EPB41L2: variants seen among roughly 807,000 people sequenced by gnomAD.
EPB41L2 encodes the protein band 4.1-like protein 2.
Under a neutral mutation model 113.0 loss-of-function variants are expected in EPB41L2, and 43 were observed. The ratio of observed to expected loss-of-function variants is 0.38; its 90% CI spans 0.30 to 0.49. The LOEUF (loss-of-function observed/expected upper bound fraction) is 0.49, where lower values mean the gene tolerates loss of function less well. EPB41L2 is among the 20% of genes least tolerant of loss of function. The pLI is 0.95. For missense variants in EPB41L2, 1,147 were observed against 1,223.4 expected (o/e 0.94, Z 0.93); for synonymous variants, 442 against 436.7 (o/e 1.01, Z -0.15).
chr6:130,841,454 C>T (rs1326528101), intron 19 of EPB41L2, among the ~76,000 whole-genome samples: 1 of 152,128 alleles, frequency 6.6e-6, no homozygotes, highest in Non-Finnish European at 1.5e-5. Flanking sequence ...GTTTTGAAAA[C>T]ACTGCTGTGG....
chr6:130,888,586 AACAG>A (rs1791794341), intron 11 of EPB41L2, among the ~76,000 whole-genome samples: 4 of 152,190 alleles, frequency 2.6e-5, no homozygotes, highest in Non-Finnish European at 1.5e-5. Flanking sequence ...AAATGCTGAA[AACAG>A]ACAGTGTTCC....
chr6:130,910,765 A>G (rs60204850), intron 4 of EPB41L2, among the ~76,000 whole-genome samples: 2,610 of 152,322 alleles, frequency 0.017, 84 homozygotes, highest in African/African-American at 0.058. Context: ...CAACAAACAT[A>G]TGAAAAAAAG....
chr6:130,905,606 A>G (rs557490777), intron 5 of EPB41L2, among the ~76,000 whole-genome samples: 8 of 152,026 alleles, frequency 5.3e-5, no homozygotes, highest in Non-Finnish European at 1.0e-4. Context: ...ACTCTTTCAG[A>G]GACGGGGTCT....
intron 17 of EPB41L2, among the ~76,000 whole-genome samples, chr6:130,864,542 GA>G (rs1409476579): frequency 6.6e-6 from 1 of 152,218 alleles, no homozygotes; most frequent in Non-Finnish European, 1.5e-5. Context: ...GGATGAGGCT[GA>G]GGAGATCATC....
chr6:130,873,704 G>C (rs1786526377), intron 14 of EPB41L2, among the ~76,000 whole-genome samples: 1 of 152,152 alleles, frequency 6.6e-6, no homozygotes, highest in Non-Finnish European at 1.5e-5. Context: ...GACTTCAGGT[G>C]ATCTATCCTC....
chr6:130,844,986 G>A (rs1464819317), intron 19 of EPB41L2, among the ~76,000 whole-genome samples: 1 of 151,854 alleles, frequency 6.6e-6, no homozygotes, highest in Admixed American at 6.6e-5. Context: ...AAGTTGCAGT[G>A]AGCTGAGATC....
intron 1 of EPB41L2, among the ~76,000 whole-genome samples, chr6:130,994,893 C>T (rs1246693277): frequency 1.3e-5 from 2 of 152,134 alleles, no homozygotes; most frequent in African/African-American, 2.4e-5. Flanking sequence ...AAGAATGCAA[C>T]CATTTGTCTC....
In EPB41L2 at chr6:130,890,258, A is replaced by T. The variant is rs748190922; in HGVS notation, c.1660+36T>A. On this transcript the variant is annotated intron_variant, in intron 11 of 19. Transcript: ENST00000337057. The stretch of plus-strand genomic sequence containing the variant: ...TCTGACCTCATGGGATTAGAGAAAG[A>T]TGAATGAAAATCAAAATTATCATAA... 1.9e-6 allele frequency: 3 copies of T among 1,583,900 alleles called. No individual in the cohort carries two copies. The Admixed American group carries it at 5.3e-5, about 28-fold the overall frequency.
At chr6:131,058,008 A>G (rs1483421708) in intron 1 of EPB41L2, among the ~76,000 whole-genome samples, 1 of 152,218 alleles carries the variant, frequency 6.6e-6, no homozygotes, top group African/African-American at 2.4e-5. Context: ...TACAGGTCAG[A>G]TCTCAGGAAA....
chr6:130,945,179 A>G (rs1812386843), intron 3 of EPB41L2, among the ~76,000 whole-genome samples: 1 of 152,220 alleles, frequency 6.6e-6, no homozygotes, highest in Non-Finnish European at 1.5e-5. Flanking sequence ...ATATGTAGAT[A>G]GTTGAAACTG....
chr6:130,864,450 G>A (rs1488527440), intron 17 of EPB41L2, among the ~76,000 whole-genome samples: 3 of 152,146 alleles, frequency 2.0e-5, no homozygotes, highest in African/African-American at 4.8e-5. Context: ...GGCTGCGAGC[G>A]GGGCTGGAGG....
At chr6:131,056,436 GAAGTT>G (rs1454785298) in intron 1 of EPB41L2, among the ~76,000 whole-genome samples, 1 of 152,180 alleles carries the variant, frequency 6.6e-6, no homozygotes, top group African/African-American at 2.4e-5. Flanking sequence ...CAAAAAGAAT[GAAGTT>G]AAGACAAGAG....
chr6:131,048,890 A>T (rs1244010231), intron 1 of EPB41L2, among the ~76,000 whole-genome samples: 2 of 152,184 alleles, frequency 1.3e-5, no homozygotes, highest in Non-Finnish European at 2.9e-5. Flanking sequence ...GGCTTTAAAA[A>T]ACCTAACCAG....
intron 4 of EPB41L2, among the ~76,000 whole-genome samples, chr6:130,925,566 T>A (rs1462392940): frequency 1.3e-5 from 2 of 152,142 alleles, no homozygotes; most frequent in African/African-American, 2.4e-5. Flanking sequence ...TACTGAATTG[T>A]CCCTCTACTT....
intron 3 of EPB41L2, among the ~76,000 whole-genome samples, chr6:130,944,162 TACACAC>T (rs537919934): frequency 7.5e-6 from 1 of 132,902 alleles, no homozygotes; most frequent in Admixed American, 7.6e-5. Flanking sequence ...TATACGTACA[TACACAC>T]ACATACACAC....
intron 1 of EPB41L2, among the ~76,000 whole-genome samples, chr6:131,029,980 A>G (rs145378434): frequency 6.6e-6 from 1 of 151,070 alleles, no homozygotes; most frequent in African/African-American, 2.4e-5. Flanking sequence ...TTTCAATCAC[A>G]GTTTCACACA....
At position 130,974,717 on chromosome 6, in the gene EPB41L2, C is replaced by CTTTTTTTTTTTTTTTTTTTTTTT. The variant is rs71030723; in HGVS notation, c.-14-18241_-14-18219dup. On this transcript the variant is annotated intron_variant, in intron 1 of 19. Transcript: ENST00000337057. ...GGCAGCCTCTTTTTTCTTTTCTTTT[C>CTTTTTTTTTTTTTTTTTTTTTTT]TTTTTTTTTTTTTTTTTTTTTTTTT... Among the ~76,000 whole-genome samples, 138 of 64,648 alleles carry CTTTTTTTTTTTTTTTTTTTTTTT rather than the reference C, an allele frequency of 2.1e-3. 16 individuals are homozygous for CTTTTTTTTTTTTTTTTTTTTTTT. Among genetic ancestry groups the CTTTTTTTTTTTTTTTTTTTTTTT allele is most frequent in the Non-Finnish European group, 3.1e-3 (114 of 36,682 alleles). 42.4% of individuals were successfully genotyped at this position (64,648 alleles called of 152,430 possible). A position where few individuals can be genotyped will look rare whatever the true frequency, so the allele number is the denominator to read the frequency against.
chr6:130,892,403 C>CTTTTTTTTTTTGTTTTTTTTTTTTTTTTT (rs1793213490), intron 10 of EPB41L2, among the ~76,000 whole-genome samples: 1 of 92,640 alleles, frequency 1.1e-5, no homozygotes, highest in Non-Finnish European at 2.4e-5. Context: ...CAGATTATTG[C>CTTTTTTTTTTTGTTTTTTTTTTTTTTTTT]TTTTTTTTTT....
At chr6:130,931,561 A>G (rs1340054052) in intron 3 of EPB41L2, among the ~76,000 whole-genome samples, 1 of 152,190 alleles carries the variant, frequency 6.6e-6, no homozygotes, top group African/African-American at 2.4e-5. Flanking sequence ...GTTCCAAGTT[A>G]TAACATTTAT....
Sources: allele counts gnomAD v4.1 joint callset (sites outside exome capture counted in the v4.1 genomes callset), GRCh38; gene constraint gnomAD v4.1.1; transcripts MANE v1.5; gene names NCBI Gene and HGNC (gene_info 2026-07-23, HGNC 2026-07-21).